PLXNA2: variants seen among roughly 807,000 people sequenced by gnomAD.
PLXNA2 encodes the protein plexin A2.
Under a neutral mutation model 193.5 loss-of-function variants are expected in PLXNA2, and 91 were observed. That is an observed-to-expected ratio of 0.47 (90% CI 0.40 to 0.56). PLXNA2 has a LOEUF of 0.56. Ranked by LOEUF, PLXNA2 falls within the 20% of genes least tolerant of loss-of-function variation. The pLI, the probability that PLXNA2 is intolerant of heterozygous loss-of-function variation, is 0.00. For missense variants in PLXNA2, 1,995 were observed against 2,503.2 expected, an observed-to-expected ratio of 0.80 and a Z score of 4.33; for synonymous variants, 997 against 1,027.3, an observed-to-expected ratio of 0.97 and a Z score of 0.56.
chr1:208,148,114 T>A (rs1045884795), intron 3 of PLXNA2, among the ~76,000 whole-genome samples: 1 of 152,196 alleles, frequency 6.6e-6, no homozygotes, highest in Non-Finnish European at 1.5e-5. Context: ...TTCTTGAATA[T>A]CCAATTCCAA....
intron 5 of PLXNA2, among the ~76,000 whole-genome samples, chr1:208,100,292 G>A (rs539648867): frequency 1.4e-4 from 21 of 152,060 alleles, no homozygotes; most frequent in Middle Eastern, 6.8e-3. Flanking sequence ...TTACTTGAGC[G>A]CTGTAGTGAG....
chr1:208,146,959 T>C (rs1026506803), intron 3 of PLXNA2, among the ~76,000 whole-genome samples: 3 of 152,140 alleles, frequency 2.0e-5, no homozygotes, highest in Non-Finnish European at 4.4e-5. Flanking sequence ...AGCAGCCAGA[T>C]AGCACAAGGA....
At chr1:208,030,219 C>G (rs1664456904) in intron 29 of PLXNA2, 1 of 985,448 alleles carries the variant, frequency 1.0e-6, no homozygotes, top group African/African-American at 1.7e-5. Flanking sequence ...CTTCTGGCAG[C>G]CTTGGGTAGT....
chr1:208,155,028 G>C (rs1332252603), intron 3 of PLXNA2, among the ~76,000 whole-genome samples: 4 of 152,188 alleles, frequency 2.6e-5, no homozygotes, highest in African/African-American at 9.7e-5. Context: ...AATTCTTCAG[G>C]GGGACATGGG....
At chr1:208,164,263 T>A (rs1669224397) in intron 3 of PLXNA2, among the ~76,000 whole-genome samples, 1 of 152,112 alleles carries the variant, frequency 6.6e-6, no homozygotes, top group African/African-American at 2.4e-5. Flanking sequence ...TCTTTTTTGT[T>A]CCCCAAAACC....
chr1:208,137,626 C>T (rs1342327003), intron 4 of PLXNA2, among the ~76,000 whole-genome samples: 1 of 152,156 alleles, frequency 6.6e-6, no homozygotes, highest in Non-Finnish European at 1.5e-5. Context: ...CAGTGGAGCA[C>T]CTGGGCAATT....
chr1:208,137,260 C>T (rs1468445798), intron 4 of PLXNA2, among the ~76,000 whole-genome samples: 1 of 152,180 alleles, frequency 6.6e-6, no homozygotes, highest in Non-Finnish European at 1.5e-5. Context: ...TCACCCTTCG[C>T]TGGATCATTT....
At position 208,183,832 on chromosome 1, in the gene PLXNA2, G is replaced by T. The variant is rs896598493; in HGVS notation, c.1371+26448C>A. On this transcript the variant is annotated intron_variant, in intron 3 of 31. Transcript: ENST00000367033. ...TGAGAGTTGGAGACTTTTCCTTTAG[G>T]CTTTCATGGTACCCTAGACTTCTAA... Among the ~76,000 whole-genome samples the T allele has an allele frequency of 9.9e-5, 15 of 152,204 alleles. No individual in the cohort carries two copies. In the South Asian group the frequency reaches 1.7e-3, roughly 17 times the overall value.
At chr1:208,141,577 C>T (rs1571960979) in intron 4 of PLXNA2, among the ~76,000 whole-genome samples, 1 of 152,252 alleles carries the variant, frequency 6.6e-6, no homozygotes, top group East Asian at 1.9e-4. Context: ...AACTATTAAC[C>T]CACTGACCGA....
At position 208,022,532 on chromosome 1, in the gene PLXNA2, T is replaced by C. The variant is rs573442054; in HGVS notation, c.*4711A>G. ...TTCCAGTGTGTCAAGAGGAGTGGGT[T>C]TGAGCAGGAAAAGTTGTGGGGAAAG... On this transcript the variant is annotated 3_prime_UTR_variant, in exon 32 of 32. Transcript: ENST00000367033. 1 of 152,622 alleles carries C rather than the reference T, an allele frequency of 6.6e-6. No individual in the cohort carries two copies. Among genetic ancestry groups the C allele is most frequent in the Non-Finnish European group, 1.5e-5 (1 of 68,048 alleles). The allele number at this position is 152,622 out of a possible 1,614,324, so 9.5% of individuals were successfully genotyped here. A position where few individuals can be genotyped will look rare whatever the true frequency, so the allele number is the denominator to read the frequency against.
rs936299925 is a variant in PLXNA2, at chr1:208,026,216, C to T, written c.*1027G>A. The T allele has an allele frequency of 6.6e-6, 1 of 152,336 alleles. No individual in the cohort carries two copies. Among genetic ancestry groups the T allele is most frequent in the South Asian group, 2.1e-4 (1 of 4,820 alleles). 9.4% of individuals were successfully genotyped at this position (152,336 alleles called of 1,614,324 possible). On this transcript the variant is annotated 3_prime_UTR_variant, in exon 32 of 32. Transcript: ENST00000367033. The stretch of plus-strand genomic sequence containing the variant: ...AGGCCTGGCCCACACACCTCCAGGC[C>T]GTTTCCCCAGGGTGCCTGGTTTATG...
At chr1:208,094,435 CT>C (rs60278693) in intron 8 of PLXNA2, among the ~76,000 whole-genome samples, 38 of 147,248 alleles carry the variant, frequency 2.6e-4, no homozygotes, top group Admixed American at 1.0e-3. Flanking sequence ...AGGAGACCTG[CT>C]TTTTTTTTTT....
chr1:208,206,699 A>G (rs1347758675), intron 3 of PLXNA2, among the ~76,000 whole-genome samples: 1 of 151,556 alleles, frequency 6.6e-6, no homozygotes, highest in Non-Finnish European at 1.5e-5. Flanking sequence ...CTTATGGTGA[A>G]TCTTTGCATG....
chr1:208,187,141 C>G (rs1670035525), intron 3 of PLXNA2, among the ~76,000 whole-genome samples: 1 of 152,184 alleles, frequency 6.6e-6, no homozygotes, highest in Non-Finnish European at 1.5e-5. Context: ...CTTGCTGTGT[C>G]TCTGGACAAA....
Position 208,023,095 on chromosome 1 carries a change from C to T in PLXNA2, c.*4148G>A, listed in dbSNP as rs1664233107. ...TTTTTCTCAAAGCATGTTCCTGAGACAAGGCGTCGGAAGGCCCTGAAGTTC... is the reference window on the plus strand; with the variant it reads ...TTTTTCTCAAAGCATGTTCCTGAGATAAGGCGTCGGAAGGCCCTGAAGTTC... On this transcript the variant is annotated 3_prime_UTR_variant, in exon 32 of 32. Coordinates refer to ENST00000367033, the MANE Select transcript of PLXNA2 (RefSeq NM_025179.4). The T allele has an allele frequency of 6.6e-6, 1 of 152,204 alleles. No homozygotes were observed. Among genetic ancestry groups the T allele is most frequent in the African/African-American group, 2.4e-5 (1 of 41,436 alleles). 9.4% of individuals were successfully genotyped at this position (152,204 alleles called of 1,614,324 possible).
At chr1:208,050,604 G>A (rs936175867) in intron 17 of PLXNA2, among the ~76,000 whole-genome samples, 23 of 152,172 alleles carry the variant, frequency 1.5e-4, no homozygotes, top group African/African-American at 4.1e-4. Context: ...AGGCCAAGGC[G>A]GGAGGATCAC....
At chr1:208,158,380 C>G (rs957832499) in intron 3 of PLXNA2, among the ~76,000 whole-genome samples, 49 of 152,288 alleles carry the variant, frequency 3.2e-4, no homozygotes, top group Non-Finnish European at 5.0e-4. Context: ...TCTGTCTCCT[C>G]TCTCATACAT....
At chr1:208,087,477 G>A (rs1385128281) in intron 9 of PLXNA2, among the ~76,000 whole-genome samples, 1 of 151,524 alleles carries the variant, frequency 6.6e-6, no homozygotes, top group Non-Finnish European at 1.5e-5. Context: ...AGAATCAAAT[G>A]TAAGGGTAAC....
intron 4 of PLXNA2, among the ~76,000 whole-genome samples, chr1:208,122,836 T>C (rs1667847570): frequency 6.6e-6 from 1 of 152,102 alleles, no homozygotes; most frequent in Admixed American, 6.6e-5. Context: ...TGGGTGGTGG[T>C]TGCCAGGGGA....
Sources: gnomAD v4.1 joint callset for allele counts (sites outside exome capture counted in the v4.1 genomes callset) on GRCh38, gnomAD v4.1.1 for gene constraint, MANE v1.5 for transcripts, NCBI Gene and HGNC (gene_info 2026-07-23, HGNC 2026-07-21) for gene names.